Variants in BCHE observed in about 807,000 individuals in gnomAD.
BCHE encodes the protein butyrylcholinesterase.
A neutral mutation model predicts 51.3 loss-of-function variants in BCHE; 48 were observed. That is an observed-to-expected ratio of 0.94 (90% CI 0.74 to 1.19). The LOEUF is 1.19. Ranked by LOEUF, BCHE falls within the 50% of genes most tolerant of loss-of-function variation. BCHE has a pLI of 0.00. For synonymous variants in BCHE, 251 were observed against 238.0 expected (o/e 1.05, Z -0.50); for missense variants, 847 against 708.2 (o/e 1.20, Z -2.23).
At chr3:165,818,211 A>G (rs539213530) in intron 2 of BCHE, among the ~76,000 whole-genome samples, 6 of 152,038 alleles carry the variant, frequency 3.9e-5, no homozygotes, top group Non-Finnish European at 8.8e-5. Flanking sequence ...AAAATATGAA[A>G]CAAAGCATAT....
At chr3:165,808,496 C>T (rs1229622860) in intron 2 of BCHE, among the ~76,000 whole-genome samples, 1 of 151,616 alleles carries the variant, frequency 6.6e-6, no homozygotes, top group Non-Finnish European at 1.5e-5. Flanking sequence ...ATTTGTAATA[C>T]TTTAGTCACT....
intron 3 of BCHE, among the ~76,000 whole-genome samples, chr3:165,782,606 G>C (rs903417320): frequency 1.3e-5 from 2 of 152,092 alleles, no homozygotes; most frequent in African/African-American, 4.8e-5. Flanking sequence ...CCAGAGCTAA[G>C]TCTATTTAAC....
intron 2 of BCHE, among the ~76,000 whole-genome samples, chr3:165,827,491 G>T (rs1714770850): frequency 6.6e-6 from 1 of 151,556 alleles, no homozygotes. Context: ...AAGTGTCAAA[G>T]ATTTTCTTCT....
At chr3:165,799,846 T>A (rs1450533923) in intron 2 of BCHE, among the ~76,000 whole-genome samples, 2 of 152,002 alleles carry the variant, frequency 1.3e-5, no homozygotes, top group African/African-American at 4.8e-5. Flanking sequence ...ATTAGAGAGG[T>A]AACAATAAAG....
rs940225352 is a variant in BCHE at position 165,786,162 on chromosome 3, T to A, written c.1667A>T (p.Lys556Ile). Residue 556 changes from lysine (K) to isoleucine (I), a missense_variant, in exon 3 of 4, where the codon AAA becomes ATA. Physicochemically the swap from Lys to Ile is moderately radical, Grantham distance 102. Coordinates refer to ENST00000264381, the MANE Select transcript of BCHE (RefSeq NM_000055.4). ...AGACACACCTGTCATTTCCAAGACT[T>A]TTGGAAAAAATGATGTCCAGAATCG... Reference protein sequence around the residue: ...QCRFWTSFFPKVLEMTGNIDE... With the variant: ...QCRFWTSFFPIVLEMTGNIDE... 3.0e-5 allele frequency: 49 copies of A among 1,611,718 alleles called. No individual in the cohort carries two copies. Among genetic ancestry groups the A allele is most frequent in the Non-Finnish European group, 4.0e-5 (47 of 1,178,398 alleles).
chr3:165,809,437 C>A (rs1391893282), intron 2 of BCHE, among the ~76,000 whole-genome samples: 1 of 151,978 alleles, frequency 6.6e-6, no homozygotes, highest in Non-Finnish European at 1.5e-5. Context: ...GTAAAACTTA[C>A]TTATTGTATA....
chr3:165,830,978 A>G lies in BCHE; in HGVS notation c.56T>C (p.Leu19Pro). 4.3e-6 allele frequency: 7 copies of G among 1,613,828 alleles called. No homozygotes were observed. The highest frequency in any genetic ancestry group is 5.9e-6 in the Non-Finnish European group (7 of 1,179,878). ...ATGTGACTTCCCAATAAGCATGCAG[A>G]GCAAAAGAAACCAAAAGAGAAATCT... Reference protein sequence around the residue: ...CIRFLFWFLLLCMLIGKSHTE... With the variant: ...CIRFLFWFLLPCMLIGKSHTE... Residue 19 changes from leucine (L) to proline (P), a missense_variant, in exon 2 of 4, where the codon CTC becomes CCC. Physicochemically the swap from Leu to Pro is moderately conservative, Grantham distance 98 (BLOSUM62 -3). Transcript: ENST00000264381.
intron 2 of BCHE, among the ~76,000 whole-genome samples, chr3:165,825,601 T>C (rs902560998): frequency 2.6e-5 from 4 of 152,054 alleles, no homozygotes; most frequent in African/African-American, 9.7e-5. Context: ...GTGCACAACG[T>C]ACAGCTTAGT....
Position 165,773,422 on chromosome 3 carries a change from T to A in BCHE, c.1769A>T (p.Asn590Ile), listed in dbSNP as rs199590217. The A allele has an allele frequency of 6.2e-7, 1 of 1,610,838 alleles. No homozygotes were observed. The highest frequency in any genetic ancestry group is 2.2e-5 in the East Asian group (1 of 44,682). The change falls in exon 4 of 4, where the codon AAC (asparagine) becomes ATC (isoleucine). Residue 590 changes from asparagine (N) to isoleucine (I), a missense_variant. By Grantham distance (149) the Asn-to-Ile change is moderately radical (BLOSUM62 -3). Coordinates refer to ENST00000264381, the MANE Select transcript of BCHE (RefSeq NM_000055.4). Reference sequence around the variant, plus strand: ...ACTTTCTTTCTTGCTAGTGTAATCGTTAAATTGATTTTTCCAGTCCATCAT... The same window carrying A: ...ACTTTCTTTCTTGCTAGTGTAATCGATAAATTGATTTTTCCAGTCCATCAT... The part of the protein sequence containing the change: ...NYMMDWKNQF[N>I]DYTSKKESCV...
intron 2 of BCHE, among the ~76,000 whole-genome samples, chr3:165,788,587 C>T (rs1008044242): frequency 1.3e-5 from 2 of 152,088 alleles, no homozygotes; most frequent in African/African-American, 2.4e-5. Context: ...CCAGGAGAAC[C>T]GATGGTCTGA....
chr3:165,830,896 C>T lies in BCHE; in HGVS notation c.138G>A (p.Leu46=). Residue 46 remains leucine, a synonymous_variant, in exon 2 of 4, where the codon TTG becomes TTA. Transcript: ENST00000264381. ...CTGTTACCGTGCCACCAAAAACTGTCAAGTTCATCCCTCTGACTTTTCCAT... is the reference window on the plus strand; with the variant it reads ...CTGTTACCGTGCCACCAAAAACTGTTAAGTTCATCCCTCTGACTTTTCCAT... ...TKNGKVRGMN[L]TVFGGTVTAF... 1.9e-6 allele frequency: 3 copies of T among 1,613,976 alleles called. No homozygotes were observed. Among genetic ancestry groups the T allele is most frequent in the Non-Finnish European group, 2.5e-6 (3 of 1,179,916 alleles).
intron 2 of BCHE, among the ~76,000 whole-genome samples, chr3:165,807,878 C>A (rs532500904): frequency 6.0e-4 from 91 of 152,122 alleles, no homozygotes; most frequent in African/African-American, 2.0e-3. Flanking sequence ...TATTTTAATG[C>A]AAAAATTATT....
Position 165,829,743 on chromosome 3 carries a change from A to G in BCHE, c.1291T>C (p.Leu431=). Residue 431 remains leucine, a synonymous_variant, in exon 2 of 4, where the codon TTG becomes CTG. Coordinates refer to ENST00000264381, the MANE Select transcript of BCHE (RefSeq NM_000055.4). ...TCTGAGAACTTCTTGGTGAACTCCA[A>G]GGCAGGGCATATGAAATTATAATCC... ...VGDYNFICPA[L]EFTKKFSEWG... 6.2e-7 allele frequency: 1 copy of G among 1,613,930 alleles called. No individual in the cohort carries two copies. The highest frequency in any genetic ancestry group is 8.5e-7 in the Non-Finnish European group (1 of 1,179,890).
intron 1 of BCHE, 28 bp from the exon 2 acceptor site, chr3:165,831,069 A>ATAAGCC: frequency 6.4e-7 from 1 of 1,557,794 alleles, no homozygotes; most frequent in East Asian, 2.3e-5. Flanking sequence ...ATAATGTTTT[A>ATAAGCC]TAAGCCTTCT....
At chr3:165,813,565 C>T (rs902333130) in intron 2 of BCHE, among the ~76,000 whole-genome samples, 1 of 151,710 alleles carries the variant, frequency 6.6e-6, no homozygotes. Flanking sequence ...TGTGTTACAA[C>T]TGTGATTGAA....
intron 1 of BCHE, among the ~76,000 whole-genome samples, chr3:165,831,309 A>G (rs1437876112): frequency 6.6e-6 from 1 of 152,210 alleles, no homozygotes; most frequent in Non-Finnish European, 1.5e-5. Flanking sequence ...AAGAGCTAGT[A>G]TTTTAAATAG....
In BCHE at chr3:165,829,541, C is replaced by T. The variant is rs559088873; in HGVS notation, c.1493G>A (p.Arg498Gln). Reference protein sequence around the residue: ...EEILSRSIVKRWANFAKYGNP... With the variant: ...EEILSRSIVKQWANFAKYGNP... ...CCCATATTTTGCAAAATTTGCCCAC[C>T]GTTTCACTATGGATCTACTCAAAAT... is the stretch of plus-strand genomic sequence containing the variant. Residue 498 changes from arginine to glutamine, a missense_variant, in exon 2 of 4, where the codon CGG becomes CAG. Physicochemically the swap from Arg to Gln is conservative, Grantham distance 43 (BLOSUM62 1). Transcript: ENST00000264381. The T allele has an allele frequency of 2.5e-6, 4 of 1,613,582 alleles. No individual in the cohort carries two copies. The highest frequency in any genetic ancestry group is 1.1e-5 in the South Asian group (1 of 91,066).
intron 2 of BCHE, among the ~76,000 whole-genome samples, chr3:165,808,095 T>C (rs990218506): frequency 1.6e-4 from 24 of 152,022 alleles, no homozygotes; most frequent in Admixed American, 1.4e-3. Flanking sequence ...GCCATTCTCC[T>C]GTCTCAGCCT....
chr3:165,834,225 T>C (rs529856481), intron 1 of BCHE, among the ~76,000 whole-genome samples: 9 of 152,168 alleles, frequency 5.9e-5, no homozygotes, highest in African/African-American at 2.2e-4. Context: ...CTTAACTTGA[T>C]TTAATACAAA....
Sources: allele counts gnomAD v4.1 joint callset (sites outside exome capture counted in the v4.1 genomes callset), GRCh38; gene constraint gnomAD v4.1.1; transcripts MANE v1.5; gene names NCBI Gene and HGNC (gene_info 2026-07-23, HGNC 2026-07-21).